The following MTUS2 variants were observed in gnomAD, a reference collection of about 807,000 sequenced individuals.
MTUS2 encodes the protein microtubule associated scaffold protein 2.
A neutral mutation model predicts 114.1 loss-of-function variants in MTUS2; 40 were observed. The observed-to-expected ratio is 0.35, with a 90% CI of 0.27 to 0.46. The LOEUF is 0.46. Among genes scored for constraint, MTUS2 ranks in the 20% least tolerant of loss-of-function variants. The probability of loss-of-function intolerance (pLI) is 1.00; values close to 1 mark genes in which losing one functional copy is unlikely to be tolerated. For synonymous variants in MTUS2, 688 were observed against 672.0 expected (o/e 1.02, Z -0.37); for missense variants, 1,679 against 1,705.4 (o/e 0.98, Z 0.27).
chr13:29,139,528 T>C (rs1329708370), intron 5 of MTUS2, among the ~76,000 whole-genome samples: 2 of 151,036 alleles, frequency 1.3e-5, no homozygotes, highest in African/African-American at 4.9e-5. Flanking sequence ...TAATATCTAA[T>C]ATAATACTAA....
At chr13:29,285,986 C>T (rs1432360102) in intron 6 of MTUS2, among the ~76,000 whole-genome samples, 3 of 152,134 alleles carry the variant, frequency 2.0e-5, no homozygotes, top group South Asian at 2.1e-4. Context: ...AATGCAGTGG[C>T]GTGATCTTGG....
At chr13:28,846,992 C>T (rs1271262831) in intron 2 of MTUS2, among the ~76,000 whole-genome samples, 2 of 152,132 alleles carry the variant, frequency 1.3e-5, no homozygotes, top group South Asian at 2.1e-4. Context: ...TCCATAAATA[C>T]TTGGTGAATC....
intron 2 of MTUS2, among the ~76,000 whole-genome samples, chr13:28,946,918 C>T (rs186368787): frequency 2.7e-4 from 41 of 152,230 alleles, no homozygotes; most frequent in Admixed American, 7.2e-4. Context: ...AGTCATTTTC[C>T]TTTGTAGAGA....
intron 6 of MTUS2, among the ~76,000 whole-genome samples, chr13:29,316,198 G>A (rs1363753495): frequency 6.6e-6 from 1 of 152,186 alleles, no homozygotes; most frequent in Non-Finnish European, 1.5e-5. Flanking sequence ...TGTTCTAGTG[G>A]GGTATTTGAG....
intron 9 of MTUS2, among the ~76,000 whole-genome samples, chr13:29,475,248 G>A (rs941150971): frequency 6.6e-6 from 1 of 152,208 alleles, no homozygotes; most frequent in Admixed American, 6.5e-5. Flanking sequence ...TCACATCTTT[G>A]TGGTGATGCT....
intron 2 of MTUS2, among the ~76,000 whole-genome samples, chr13:28,997,841 T>C (rs576863175): frequency 3.7e-4 from 56 of 152,214 alleles, no homozygotes; most frequent in Non-Finnish European, 1.2e-4. Flanking sequence ...TGACTCTTTA[T>C]CCAATTTGCC....
In MTUS2 at chr13:28,820,433, C is replaced by T. The variant is rs1357773696; in HGVS notation, c.-494C>T. ...GCCGGCTCTCAGGGCAAGTTTATCT[C>T]CCCCCTTCTGCGGAAACCCTTGACC... On this transcript the variant is annotated 5_prime_UTR_variant, in exon 1 of 16. Transcript: ENST00000612955. 6.6e-6 allele frequency: 1 copy of T among 152,096 alleles called. No homozygotes were observed. The highest frequency in any genetic ancestry group is 2.1e-4 in the South Asian group (1 of 4,838). 9.4% of individuals were successfully genotyped at this position (152,096 alleles called of 1,614,324 possible).
chr13:29,163,170 A>G (rs1893173737), intron 5 of MTUS2, among the ~76,000 whole-genome samples: 1 of 152,210 alleles, frequency 6.6e-6, no homozygotes, highest in Non-Finnish European at 1.5e-5. Flanking sequence ...TTAATGTCCT[A>G]TTTTTAAAAG....
intron 2 of MTUS2, among the ~76,000 whole-genome samples, chr13:28,942,915 A>G (rs1416468741): frequency 6.6e-6 from 1 of 152,152 alleles, no homozygotes; most frequent in Non-Finnish European, 1.5e-5. Context: ...ATGTTGATTC[A>G]TTTAATTATT....
At chr13:29,442,132 G>A (rs1366703550) in intron 9 of MTUS2, among the ~76,000 whole-genome samples, 2 of 152,176 alleles carry the variant, frequency 1.3e-5, no homozygotes. Flanking sequence ...TCCCCACCTT[G>A]TAGAGGTAGA....
chr13:29,282,504 C>G (rs529070325), intron 6 of MTUS2, among the ~76,000 whole-genome samples: 1 of 152,320 alleles, frequency 6.6e-6, no homozygotes, highest in East Asian at 1.9e-4. Context: ...CAGAAAGTGC[C>G]GAGGCAGCAT....
intron 5 of MTUS2, among the ~76,000 whole-genome samples, chr13:29,149,870 T>G (rs1046541067): frequency 2.6e-5 from 4 of 152,186 alleles, no homozygotes; most frequent in Admixed American, 1.3e-4. Flanking sequence ...TCCATTGATA[T>G]GTGTGTCTGT....
At chr13:28,924,788 T>C (rs994650394) in intron 2 of MTUS2, among the ~76,000 whole-genome samples, 3 of 152,116 alleles carry the variant, frequency 2.0e-5, no homozygotes, top group African/African-American at 7.2e-5. Context: ...CTAGAGGTTA[T>C]TCCTGTATTT....
chr13:29,337,792 G>GTTTTT (rs1566139464), intron 7 of MTUS2, among the ~76,000 whole-genome samples: 2 of 106,654 alleles, frequency 1.9e-5, no homozygotes, highest in Middle Eastern at 5.2e-3. Flanking sequence ...TGTTTGTTTT[G>GTTTTT]GTTTTTTTTT....
intron 5 of MTUS2, chr13:29,239,496 T>G (rs1999716): frequency 0.57 from 86,101 of 151,884 alleles, 24,657 homozygotes; most frequent in Non-Finnish European, 0.59. Flanking sequence ...ACAATATGTC[T>G]TCTTCTATTA....
In MTUS2 at chr13:29,503,302, G is replaced by T. The variant is rs1883034621; in HGVS notation, c.*96G>T. The T allele has an allele frequency of 7.2e-7, 1 of 1,395,774 alleles. No homozygotes were observed. The highest frequency in any genetic ancestry group is 1.4e-5 in the African/African-American group (1 of 70,218). The allele number at this position is 1,395,774 out of a possible 1,614,324, so 86.5% of individuals were successfully genotyped here. A position where few individuals can be genotyped will look rare whatever the true frequency, so the allele number is the denominator to read the frequency against. ...GGTGCCGCCGGAGCTGGCCCTGTGCGCATGCTCAGTAGCTGCGAATGCATC... is the reference window on the plus strand; with the variant it reads ...GGTGCCGCCGGAGCTGGCCCTGTGCTCATGCTCAGTAGCTGCGAATGCATC... On this transcript the variant is annotated 3_prime_UTR_variant, in exon 16 of 16. Transcript: ENST00000612955.
At chr13:29,356,303 GCTGT>G (rs1335881013) in intron 7 of MTUS2, among the ~76,000 whole-genome samples, 2 of 152,222 alleles carry the variant, frequency 1.3e-5, no homozygotes, top group Non-Finnish European at 1.5e-5. Flanking sequence ...TGCCCTGTGA[GCTGT>G]CTGTGACCAC....
intron 5 of MTUS2, among the ~76,000 whole-genome samples, chr13:29,202,992 A>G (rs1275940210): frequency 6.6e-6 from 1 of 151,990 alleles, no homozygotes; most frequent in Non-Finnish European, 1.5e-5. Context: ...GGGGTCAGGG[A>G]CCCCCTGAGG....
intron 7 of MTUS2, among the ~76,000 whole-genome samples, chr13:29,348,551 T>C (rs1442510254): frequency 6.6e-6 from 1 of 152,188 alleles, no homozygotes; most frequent in East Asian, 1.9e-4. Flanking sequence ...TTATGTGGAA[T>C]GTTCTACAAA....
Sources: allele counts gnomAD v4.1 joint callset (sites outside exome capture counted in the v4.1 genomes callset), GRCh38; gene constraint gnomAD v4.1.1; transcripts MANE v1.5; gene names NCBI Gene and HGNC (gene_info 2026-07-23, HGNC 2026-07-21).